The following ZNF503 variants were observed in gnomAD, a reference collection of about 807,000 sequenced individuals.
ZNF503 encodes zinc finger protein 503, also known as NocA-like zinc finger 2.
In ZNF503, 15 loss-of-function variants were observed where a neutral mutation model predicts 34.4. The observed-to-expected ratio is 0.44, with a 90% CI of 0.29 to 0.67. ZNF503 has a LOEUF of 0.67. ZNF503 is among the 30% of genes least tolerant of loss of function. The pLI, the probability that ZNF503 is intolerant of heterozygous loss-of-function variation, is 0.13. For missense variants in ZNF503, 1,007 were observed against 926.8 expected (o/e 1.09, Z -1.12); for synonymous variants, 580 against 456.8 (o/e 1.27, Z -3.44).
chr10:75,300,036 T>C, the ZNF503 span, among the ~76,000 whole-genome samples: 1 of 152,220 alleles, frequency 6.6e-6, no homozygotes, highest in Non-Finnish European at 1.5e-5. Flanking sequence ...TTCCTCATCC[T>C]GATAAGCCTG....
chr10:75,345,648 A>AG, the ZNF503 span, among the ~76,000 whole-genome samples: 17 of 151,078 alleles, frequency 1.1e-4, no homozygotes, highest in South Asian at 6.3e-4. Flanking sequence ...AAAAAAAAAA[A>AG]AAAAGAAAAG....
rs755741507 is a variant in ZNF503 at position 75,400,217 on chromosome 10, T to G, written c.473A>C (p.Lys158Thr). 1 of 1,606,818 alleles carries G rather than the reference T, an allele frequency of 6.2e-7. No homozygotes were observed. Among genetic ancestry groups the G allele is most frequent in the African/African-American group, 1.3e-5 (1 of 74,680 alleles). ...GTCGCTCAGCTTCAGGGGGCCCGATTTGGTGTCCTTGTCGCCCGCAGCACC... is the reference window on the plus strand; with the variant it reads ...GTCGCTCAGCTTCAGGGGGCCCGATGTGGTGTCCTTGTCGCCCGCAGCACC... The part of the protein sequence containing the change: ...GGGAAGDKDT[K>T]SGPLKLSDIG... The change falls in exon 2 of 2, where the codon AAA becomes ACA. Residue 158 changes from lysine (K) to threonine (T), a missense_variant. Transcript: ENST00000372524.
chr10:75,400,392 G>T lies in ZNF503; in HGVS notation c.316-18C>A, dbSNP rs561760667. 3 of 1,521,316 alleles carry T rather than the reference G, an allele frequency of 2.0e-6. No individual in the cohort carries two copies. The highest frequency in any genetic ancestry group is 1.9e-5 in the Admixed American group (1 of 53,728). 94.2% of individuals were successfully genotyped at this position (1,521,316 alleles called of 1,614,324 possible). A position where few individuals can be genotyped will look rare whatever the true frequency, so the allele number is the denominator to read the frequency against. On this transcript the variant is annotated intron_variant, in intron 1 of 1. Coordinates refer to ENST00000372524, the MANE Select transcript of ZNF503 (RefSeq NM_032772.6). Reference sequence around the variant, plus strand: ...GCATCGAGCTGCGGGGTCAGACGATGGGGGGGGAGCGTCACACAGAGAAAG... The same window carrying T: ...GCATCGAGCTGCGGGGTCAGACGATTGGGGGGGAGCGTCACACAGAGAAAG...
the ZNF503 span, among the ~76,000 whole-genome samples, chr10:75,351,674 A>G: frequency 6.6e-6 from 1 of 152,162 alleles, no homozygotes; most frequent in East Asian, 1.9e-4. Flanking sequence ...AGAGGCTCCC[A>G]GGAGAGTCAA....
the ZNF503 span, among the ~76,000 whole-genome samples, chr10:75,286,684 C>T: frequency 6.6e-6 from 1 of 152,154 alleles, no homozygotes; most frequent in South Asian, 2.1e-4. Flanking sequence ...GCATGAGAAG[C>T]CCCCAGTATA....
the ZNF503 span, among the ~76,000 whole-genome samples, chr10:75,377,065 C>A: frequency 6.6e-6 from 1 of 152,188 alleles, no homozygotes; most frequent in Non-Finnish European, 1.5e-5. Flanking sequence ...GAAATGCAAA[C>A]CCTCTAGATT....
the ZNF503 span, among the ~76,000 whole-genome samples, chr10:75,309,731 G>A: frequency 6.6e-6 from 1 of 152,162 alleles, no homozygotes; most frequent in Non-Finnish European, 1.5e-5. Context: ...GTCTGGAACT[G>A]AACTCGCATT....
At chr10:75,286,591 TGAG>T in the ZNF503 span, among the ~76,000 whole-genome samples, 1 of 152,222 alleles carries the variant, frequency 6.6e-6, no homozygotes, top group East Asian at 1.9e-4. Flanking sequence ...TTCTGTGAGA[TGAG>T]GATAATGGAT....
chr10:75,387,452 G>A, the ZNF503 span, among the ~76,000 whole-genome samples: 1 of 152,198 alleles, frequency 6.6e-6, no homozygotes, highest in Admixed American at 6.5e-5. Context: ...TACAGGTCTT[G>A]TGAGGATATA....
the ZNF503 span, among the ~76,000 whole-genome samples, chr10:75,367,492 T>C: frequency 6.6e-6 from 1 of 152,214 alleles, no homozygotes; most frequent in African/African-American, 2.4e-5. Flanking sequence ...TACATCATCG[T>C]GTCATTTTAC....
chr10:75,341,514 T>C, the ZNF503 span, among the ~76,000 whole-genome samples: 1 of 152,220 alleles, frequency 6.6e-6, no homozygotes, highest in Non-Finnish European at 1.5e-5. Flanking sequence ...TCAAAGTTTT[T>C]AAAAGAGACT....
downstream of ZNF503, among the ~76,000 whole-genome samples, chr10:75,397,196 G>A (rs1175950908): frequency 6.6e-6 from 1 of 152,144 alleles, no homozygotes; most frequent in African/African-American, 2.4e-5. Flanking sequence ...CGACTCTGGA[G>A]GGAGGAAGGA....
chr10:75,365,379 C>A, the ZNF503 span, among the ~76,000 whole-genome samples: 1 of 152,232 alleles, frequency 6.6e-6, no homozygotes, highest in African/African-American at 2.4e-5. Context: ...AACCCCTGAC[C>A]TTGTGATCCG....
the ZNF503 span, among the ~76,000 whole-genome samples, chr10:75,348,941 G>A: frequency 3.9e-5 from 6 of 152,010 alleles, no homozygotes; most frequent in East Asian, 1.9e-4. Context: ...TATACCAGTC[G>A]TTAACGTTTT....
At chr10:75,383,373 G>C in the ZNF503 span, among the ~76,000 whole-genome samples, 3 of 152,078 alleles carry the variant, frequency 2.0e-5, no homozygotes, top group African/African-American at 4.8e-5. Context: ...TTCCTCTAAG[G>C]CTCCAGCTCC....
chr10:75,364,926 A>G, the ZNF503 span, among the ~76,000 whole-genome samples: 1 of 152,192 alleles, frequency 6.6e-6, no homozygotes, highest in Non-Finnish European at 1.5e-5. Context: ...GGTTTAGGTA[A>G]GTTAATGGAT....
downstream of ZNF503, among the ~76,000 whole-genome samples, chr10:75,394,100 C>T (rs1056230538): frequency 1.3e-5 from 2 of 152,206 alleles, no homozygotes; most frequent in African/African-American, 4.8e-5. Context: ...GTACCTCAAG[C>T]CACTGTCTTT....
chr10:75,344,363 A>G, the ZNF503 span, among the ~76,000 whole-genome samples: 1 of 152,220 alleles, frequency 6.6e-6, no homozygotes, highest in Non-Finnish European at 1.5e-5. Context: ...AGCCCCAGAC[A>G]AGAAATTCCA....
At chr10:75,282,888 A>G in the ZNF503 span, among the ~76,000 whole-genome samples, 3 of 152,360 alleles carry the variant, frequency 2.0e-5, no homozygotes, top group African/African-American at 4.8e-5. Context: ...TAGGTGTTCA[A>G]TAAAAGTCAG....
Sources: gnomAD v4.1 joint callset for allele counts (sites outside exome capture counted in the v4.1 genomes callset) on GRCh38, gnomAD v4.1.1 for gene constraint, MANE v1.5 for transcripts, NCBI Gene and HGNC (gene_info 2026-07-23, HGNC 2026-07-21) for gene names.